Variants in SLCO2A1 observed in about 807,000 individuals in gnomAD.
SLCO2A1 encodes solute carrier organic anion transporter family member 2A1.
A neutral mutation model predicts 71.7 loss-of-function variants in SLCO2A1; 60 were observed. The observed-to-expected ratio is 0.84, with a 90% confidence interval of 0.68 to 1.04. The LOEUF is 1.04. Among genes scored for constraint, SLCO2A1 ranks in the 50% least tolerant of loss-of-function variants. SLCO2A1 has a pLI of 0.00. For missense variants in SLCO2A1, 745 were observed against 813.4 expected (o/e 0.92, Z 1.02); for synonymous variants, 308 against 326.7 (o/e 0.94, Z 0.62).
At chr3:133,937,580 G>A (rs1933301699) in intron 12 of SLCO2A1, among the ~76,000 whole-genome samples, 2 of 152,172 alleles carry the variant, frequency 1.3e-5, no homozygotes, top group South Asian at 4.1e-4. Flanking sequence ...ATGAGGCACA[G>A]TGGGCTATAC....
chr3:133,953,520 A>C, intron 5 of SLCO2A1, 143 bp downstream of exon 5: 14 of 641,974 alleles, frequency 2.2e-5, no homozygotes, highest in Non-Finnish European at 3.1e-5. Flanking sequence ...TCTCCGAGGG[A>C]CTGCAGGGAT....
intron 2 of SLCO2A1, among the ~76,000 whole-genome samples, chr3:133,975,821 G>A (rs973884967): frequency 2.6e-5 from 4 of 152,150 alleles, no homozygotes; most frequent in African/African-American, 9.7e-5. Flanking sequence ...TCTCAAGAAG[G>A]TCTTTCTCTG....
chr3:134,021,393 T>C (rs886258499), intron 1 of SLCO2A1, among the ~76,000 whole-genome samples: 3 of 152,222 alleles, frequency 2.0e-5, no homozygotes, highest in Admixed American at 6.5e-5. Context: ...GAAGGAAGCC[T>C]GGACAGGTCC....
rs1214509558 is a variant in SLCO2A1, at chr3:133,954,966, A to G, written c.625T>C (p.Ser209Pro). ...SEPSNSPLYI[S>P]ILFAISVFGP... ...AGCCCTCTTCAAGCCGGTGACTCAC[A>G]GATGTACAGGGGCGAGTTGCTGGGC... The change falls in exon 4 of 14, where the codon TCC becomes CCC. Residue 209 changes from serine to proline, a missense_variant and splice_region_variant. Coordinates refer to ENST00000310926, the MANE Select transcript of SLCO2A1 (RefSeq NM_005630.3). 1 of 1,612,970 alleles carries G rather than the reference A, an allele frequency of 6.2e-7. No individual in the cohort carries two copies.
At chr3:133,991,677 T>C (rs546770059) in intron 1 of SLCO2A1, among the ~76,000 whole-genome samples, 1 of 152,242 alleles carries the variant, frequency 6.6e-6, no homozygotes, top group East Asian at 1.9e-4. Flanking sequence ...CCTTGTTCCT[T>C]AAGAGGGGAG....
intron 2 of SLCO2A1, among the ~76,000 whole-genome samples, chr3:133,974,102 T>C (rs1290845810): frequency 6.6e-6 from 1 of 152,054 alleles, no homozygotes; most frequent in African/African-American, 2.4e-5. Context: ...TATGAAACAC[T>C]CAAAACCTAA....
chr3:133,957,478 G>T (rs184708347), intron 3 of SLCO2A1, among the ~76,000 whole-genome samples: 1 of 152,240 alleles, frequency 6.6e-6, no homozygotes, highest in East Asian at 1.9e-4. Context: ...GGGTAGAGCT[G>T]GGATCCGAAC....
intron 1 of SLCO2A1, among the ~76,000 whole-genome samples, chr3:134,004,274 T>A (rs1935161050): frequency 6.6e-6 from 1 of 152,180 alleles, no homozygotes; most frequent in South Asian, 2.1e-4. Context: ...TGATTAAGGA[T>A]TTTATTGGGA....
At chr3:133,959,442 C>A (rs1343015892) in intron 3 of SLCO2A1, among the ~76,000 whole-genome samples, 3 of 148,874 alleles carry the variant, frequency 2.0e-5, no homozygotes, top group Non-Finnish European at 4.4e-5. Context: ...GGGTGTGGAG[C>A]AATTAGAACC....
intron 13 of SLCO2A1, 28 bp from the exon 14 acceptor site, chr3:133,934,858 G>A (rs552477092): frequency 5.0e-5 from 79 of 1,566,302 alleles, no homozygotes; most frequent in Admixed American, 1.0e-4. Flanking sequence ...CAGGACTGGT[G>A]AGGGAGGGGG....
chr3:133,993,073 A>G (rs1490149305), intron 1 of SLCO2A1, among the ~76,000 whole-genome samples: 1 of 152,230 alleles, frequency 6.6e-6, no homozygotes, highest in Non-Finnish European at 1.5e-5. Context: ...CCCCACCTCC[A>G]GATGCTGCCG....
rs201202326 is a variant in SLCO2A1 at position 133,948,657 on chromosome 3, G to A, written c.984C>T (p.Phe328=). Residue 328 remains phenylalanine (F), a synonymous_variant, in exon 8 of 14, where the codon TTC becomes TTT. Coordinates refer to ENST00000310926, the MANE Select transcript of SLCO2A1 (RefSeq NM_005630.3). ...TGCACTGGGCCAGGACCACCAGGAC[G>A]AAGAGTGAGTTCATCAGGAGCCTCA... The part of the protein sequence containing the change: ...IFLRLLMNSL[F]VLVVLAQCTF... 129 of 1,614,048 alleles carry A rather than the reference G, an allele frequency of 8.0e-5. No individual in the cohort carries two copies. Among genetic ancestry groups the A allele is most frequent in the Non-Finnish European group, 1.0e-4 (120 of 1,180,020 alleles).
chr3:133,994,305 A>G (rs1041989280), intron 1 of SLCO2A1, among the ~76,000 whole-genome samples: 2 of 152,220 alleles, frequency 1.3e-5, no homozygotes, highest in African/African-American at 4.8e-5. Context: ...GAGTTGGCAA[A>G]TAGTAGCAGG....
rs377718592 is a variant in SLCO2A1, at chr3:133,973,808, G to T, written c.252C>A (p.Leu84=). 6.8e-6 allele frequency: 11 copies of T among 1,613,482 alleles called. No homozygotes were observed. The African/African-American group carries it at 1.5e-4, about 22-fold the overall frequency. Residue 84 remains leucine (L), a synonymous_variant, in exon 3 of 14, where the codon CTC becomes CTA. Transcript: ENST00000310926. The part of the protein sequence containing the change: ...SSLNEISNAI[L]IIFVSYFGSR... ...TGCCAAAGTAGCTGACAAAGATGAT[G>T]AGGATGGCATTGCTGATCTGAGAAG...
intron 11 of SLCO2A1, among the ~76,000 whole-genome samples, chr3:133,941,561 G>A (rs1933420249): frequency 6.6e-6 from 1 of 151,952 alleles, no homozygotes; most frequent in African/African-American, 2.4e-5. Flanking sequence ...CAGTGGGGGT[G>A]GGTTAGGTGA....
At chr3:133,955,225 C>T in intron 3 of SLCO2A1, 32 bp from the exon 4 acceptor site, 5 of 1,575,266 alleles carry the variant, frequency 3.2e-6, no homozygotes, top group South Asian at 1.1e-5. Context: ...GTCTCCACCA[C>T]CCTGGTCTCC....
chr3:133,967,900 C>T (rs555196984), intron 3 of SLCO2A1, among the ~76,000 whole-genome samples: 11 of 92,276 alleles, frequency 1.2e-4, no homozygotes, highest in African/African-American at 4.0e-4. Context: ...CACACTTCCC[C>T]CGACATGTAC....
At position 133,954,995 on chromosome 3, in the gene SLCO2A1, G is replaced by T. The variant is rs747282875; in HGVS notation, c.596C>A (p.Ser199Ter). Residue 199 changes from serine to a stop codon, truncating the protein, a stop_gained, in exon 4 of 14, where the codon TCA becomes TAA. Transcript: ENST00000310926. LOFTEE classifies it high-confidence loss of function. Reference sequence around the variant, plus strand: ...GTACAGGGGCGAGTTGCTGGGCTCTGAGAAGTCATCCACATAGGAGATCCC... The same window carrying T: ...GTACAGGGGCGAGTTGCTGGGCTCTTAGAAGTCATCCACATAGGAGATCCC... ...PFGISYVDDF[S>*]EPSNSPLYIS... 1 of 1,614,154 alleles carries T rather than the reference G, an allele frequency of 6.2e-7. No individual in the cohort carries two copies. Among genetic ancestry groups the T allele is most frequent in the East Asian group, 2.2e-5 (1 of 44,886 alleles).
Position 133,979,444 on chromosome 3 carries a change from A to G in SLCO2A1, c.234+37T>C, listed in dbSNP as rs2108058228. ...CTGGATCTTGTGGTCAGCGTGGTGC[A>G]CAAGTGGAGTCTGATGGACCAGAAC... On this transcript the variant is annotated intron_variant, in intron 2 of 13. Coordinates refer to ENST00000310926, the MANE Select transcript of SLCO2A1 (RefSeq NM_005630.3). 5 of 1,613,808 alleles carry G rather than the reference A, an allele frequency of 3.1e-6. No homozygotes were observed. The South Asian group carries it at 4.4e-5, about 14-fold the overall frequency.
Sources: allele counts gnomAD v4.1 joint callset (sites outside exome capture counted in the v4.1 genomes callset), GRCh38; gene constraint gnomAD v4.1.1; transcripts MANE v1.5; gene names NCBI Gene and HGNC (gene_info 2026-07-23, HGNC 2026-07-21).